SCGB3A1: variants seen among roughly 807,000 people sequenced by gnomAD.
SCGB3A1 encodes the protein cytokine HIN-1.
Under a neutral mutation model 7.6 loss-of-function variants are expected in SCGB3A1, and 7 were observed. That is an observed-to-expected ratio of 0.93 (90% CI 0.53 to 1.74). SCGB3A1 has a LOEUF of 1.74. SCGB3A1 is among the 40% of genes most tolerant of loss of function. The probability of loss-of-function intolerance (pLI) is 0.00; values close to 1 mark genes in which losing one functional copy is unlikely to be tolerated. For synonymous variants in SCGB3A1, 67 were observed against 66.6 expected, an observed-to-expected ratio of 1.01 and a Z score of -0.03; for missense variants, 119 against 129.0, an observed-to-expected ratio of 0.92 and a Z score of 0.38.
At chr5:180,591,314 G>A (rs1178967232) in intron 1 of SCGB3A1, 97 bp downstream of exon 1, 2 of 1,022,588 alleles carry the variant, frequency 2.0e-6, no homozygotes, top group African/African-American at 3.3e-5. Context: ...AGGCTGGAAG[G>A]ACCTGGGATC....
chr5:180,590,660 C>A lies in SCGB3A1; in HGVS notation c.231G>T (p.Lys77Asn), dbSNP rs1761295861. The change falls in exon 2 of 3, where the codon AAG becomes AAT. Residue 77 changes from lysine (K) to asparagine (N), a missense_variant. Physicochemically the swap from Lys to Asn is moderately conservative, Grantham distance 94. Transcript: ENST00000292641. ...PVNHLIEGSQ[K>N]CVAELGPQAV... is the part of the protein sequence containing the mutation. ...CCTGGGGACCCAGCTCAGCCACACA[C>A]TTCTGGGAGCCCTCTATGAGGTGGT... is the stretch of plus-strand genomic sequence containing the variant. 6.3e-7 allele frequency: 1 copy of A among 1,596,428 alleles called. No homozygotes were observed. The highest frequency in any genetic ancestry group is 1.1e-5 in the South Asian group (1 of 88,094).
In SCGB3A1 at chr5:180,590,128, A is replaced by T; in HGVS notation, c.*103T>A. The stretch of plus-strand genomic sequence containing the variant: ...GCTGCTCTTAACCACGTTTATTGAG[A>T]GGGGCCGGGGGAAGGGGATGGACGG... On this transcript the variant is annotated 3_prime_UTR_variant, in exon 3 of 3. Coordinates refer to ENST00000292641, the MANE Select transcript of SCGB3A1 (RefSeq NM_052863.3). The T allele has an allele frequency of 7.7e-7, 1 of 1,300,368 alleles. No homozygotes were observed. Among genetic ancestry groups the T allele is most frequent in the Non-Finnish European group, 1.1e-6 (1 of 917,912 alleles). The allele number at this position is 1,300,368 out of a possible 1,614,324, so 80.6% of individuals were successfully genotyped here.
At position 180,590,146 on chromosome 5, in the gene SCGB3A1, A is replaced by G; in HGVS notation, c.*85T>C. ...TATTGAGAGGGGCCGGGGGAAGGGG[A>G]TGGACGGTCCTCCCCGCGGCGGGGT... On this transcript the variant is annotated 3_prime_UTR_variant, in exon 3 of 3. Coordinates refer to ENST00000292641, the MANE Select transcript of SCGB3A1 (RefSeq NM_052863.3). 6 of 1,441,036 alleles carry G rather than the reference A, an allele frequency of 4.2e-6. No individual in the cohort carries two copies. The highest frequency in any genetic ancestry group is 3.9e-5 in the Admixed American group (2 of 50,920). The allele number at this position is 1,441,036 out of a possible 1,614,324, so 89.3% of individuals were successfully genotyped here. A position where few individuals can be genotyped will look rare whatever the true frequency, so the allele number is the denominator to read the frequency against.
chr5:180,590,871 G>A (rs978752842), intron 1 of SCGB3A1, 33 bp from the exon 2 acceptor site: 13 of 1,535,032 alleles, frequency 8.5e-6, no homozygotes, highest in Non-Finnish European at 1.2e-5. Context: ...CACCGCCTGC[G>A]CGCCGGGGTC....
Position 180,591,490 on chromosome 5 carries a change from A to C in SCGB3A1, c.-28T>G. ...CGCGGGGGCTCGGGGCGCGCGGGGA[A>C]CCTGCGGCTGCCCGGGCAAGGCCAC... On this transcript the variant is annotated 5_prime_UTR_variant, in exon 1 of 3. Coordinates refer to ENST00000292641, the MANE Select transcript of SCGB3A1 (RefSeq NM_052863.3). 8.2e-7 allele frequency: 1 copy of C among 1,225,812 alleles called. No individual in the cohort carries two copies. The highest frequency in any genetic ancestry group is 1.0e-6 in the Non-Finnish European group (1 of 983,886). 75.9% of individuals were successfully genotyped at this position (1,225,812 alleles called of 1,614,324 possible). A position where few individuals can be genotyped will look rare whatever the true frequency, so the allele number is the denominator to read the frequency against.
Position 180,590,786 on chromosome 5 carries a change from C to T in SCGB3A1, c.105G>A (p.Ala35=), listed in dbSNP as rs759325239. 1.0e-5 allele frequency: 16 copies of T among 1,599,010 alleles called. No homozygotes were observed. The highest frequency in any genetic ancestry group is 1.4e-5 in the Non-Finnish European group (16 of 1,173,338). Residue 35 remains alanine (A), a synonymous_variant, in exon 2 of 3, where the codon GCG becomes GCA. Coordinates refer to ENST00000292641, the MANE Select transcript of SCGB3A1 (RefSeq NM_052863.3). The part of the protein sequence containing the change: ...SAKPVAQPVA[A]LESAAEAGAG... ...CCCCGGCCTCCGCCGCCGACTCCAG[C>T]GCAGCGACAGGCTGGGCCACAGGCT...
At position 180,590,162 on chromosome 5, in the gene SCGB3A1, G is replaced by T; in HGVS notation, c.*69C>A. ...GGGAAGGGGATGGACGGTCCTCCCCGCGGCGGGGTTTTCAGCCCTCGCGGG... is the reference window on the plus strand; with the variant it reads ...GGGAAGGGGATGGACGGTCCTCCCCTCGGCGGGGTTTTCAGCCCTCGCGGG... On this transcript the variant is annotated 3_prime_UTR_variant, in exon 3 of 3. Coordinates refer to ENST00000292641, the MANE Select transcript of SCGB3A1 (RefSeq NM_052863.3). 6.5e-7 allele frequency: 1 copy of T among 1,527,474 alleles called. No individual in the cohort carries two copies. Among genetic ancestry groups the T allele is most frequent in the Non-Finnish European group, 8.9e-7 (1 of 1,121,926 alleles). 94.6% of individuals were successfully genotyped at this position (1,527,474 alleles called of 1,614,324 possible). A position where few individuals can be genotyped will look rare whatever the true frequency, so the allele number is the denominator to read the frequency against.
chr5:180,590,720 C>T lies in SCGB3A1; in HGVS notation c.171G>A (p.Leu57=). Residue 57 remains leucine (L), a synonymous_variant, in exon 2 of 3, where the codon CTG becomes CTA. Transcript: ENST00000292641. ...TGCCCAGGCTGCTCAGCAGGAGCTT[C>T]AGCGGGTTGAGGGTGCCGAGGGGGT... ...LANPLGTLNP[L]KLLLSSLGIP... 1.1e-5 allele frequency: 17 copies of T among 1,583,142 alleles called. No individual in the cohort carries two copies. The highest frequency in any genetic ancestry group is 1.4e-5 in the Non-Finnish European group (16 of 1,164,760).
chr5:180,590,693 G>T lies in SCGB3A1; in HGVS notation c.198C>A (p.Ile66=), dbSNP rs1761297094. 6.3e-7 allele frequency: 1 copy of T among 1,586,722 alleles called. No homozygotes were observed. Among genetic ancestry groups the T allele is most frequent in the Non-Finnish European group, 8.6e-7 (1 of 1,166,532 alleles). ...AGCCCTCTATGAGGTGGTTCACGGG[G>T]ATGCCCAGGCTGCTCAGCAGGAGCT... ...PLKLLLSSLG[I]PVNHLIEGSQ... is the part of the protein sequence containing the mutation. Residue 66 remains isoleucine, a synonymous_variant, in exon 2 of 3, where the codon ATC becomes ATA. Coordinates refer to ENST00000292641, the MANE Select transcript of SCGB3A1 (RefSeq NM_052863.3).
chr5:180,590,947 C>T, intron 1 of SCGB3A1, 109 bp from the exon 2 acceptor site: 1 of 762,860 alleles, frequency 1.3e-6, no homozygotes, highest in East Asian at 3.0e-5. Context: ...CCCTGCCCGG[C>T]TCCCCGACCG....
intron 1 of SCGB3A1, 140 bp downstream of exon 1, chr5:180,591,271 C>A: frequency 1.5e-6 from 1 of 660,326 alleles, no homozygotes. Context: ...GGCGCGGGGC[C>A]CCGGGGTGGC....
At chr5:180,590,859 G>T (rs1458799445) in intron 1 of SCGB3A1, 21 bp from the exon 2 acceptor site, 1 of 1,570,580 alleles carries the variant, frequency 6.4e-7, no homozygotes, top group Admixed American at 1.7e-5. Flanking sequence ...ACAGGGAGGG[G>T]TCACCGCCTG....
intron 2 of SCGB3A1, 34 bp from the exon 3 acceptor site, chr5:180,590,288 G>A (rs2127777269): frequency 6.4e-7 from 1 of 1,566,888 alleles, no homozygotes; most frequent in Non-Finnish European, 8.7e-7. Context: ...AGTGCCCCCA[G>A]CCCTGCCACC....
intron 1 of SCGB3A1, 195 bp from the exon 2 acceptor site, chr5:180,591,033 A>G (rs1323029658): frequency 7.5e-5 from 40 of 530,104 alleles, no homozygotes; most frequent in Non-Finnish European, 6.5e-6. Context: ...CGGCCCCGCC[A>G]GGAGACGCTG....
chr5:180,590,372 CG>C (rs1761289470), intron 2 of SCGB3A1, 118 bp from the exon 3 acceptor site: 1 of 1,362,976 alleles, frequency 7.3e-7, no homozygotes, highest in Non-Finnish European at 1.0e-6. Context: ...CTGGCGTCTC[CG>C]GGGGACGCGC....
rs907689445 is a variant in SCGB3A1, at chr5:180,591,468, G to C, written c.-6C>G. The stretch of plus-strand genomic sequence containing the variant: ...AGGAGGGCGGCGAGCTTCATGGCGC[G>C]GGGGCTCGGGGCGCGCGGGGAACCT... On this transcript the variant is annotated 5_prime_UTR_variant, in exon 1 of 3. Coordinates refer to ENST00000292641, the MANE Select transcript of SCGB3A1 (RefSeq NM_052863.3). 3 of 1,228,114 alleles carry C rather than the reference G, an allele frequency of 2.4e-6. No individual in the cohort carries two copies. In the African/African-American group the frequency reaches 4.7e-5, roughly 19 times the overall value. The allele number at this position is 1,228,114 out of a possible 1,614,324, so 76.1% of individuals were successfully genotyped here. A position where few individuals can be genotyped will look rare whatever the true frequency, so the allele number is the denominator to read the frequency against.
In SCGB3A1 at chr5:180,590,745, T is replaced by C. The variant is rs1314471123; in HGVS notation, c.146A>G (p.Asn49Ser). The change falls in exon 2 of 3, where the codon AAC (asparagine) becomes AGC (serine). Residue 49 changes from asparagine (N) to serine (S), a missense_variant. Physicochemically the swap from Asn to Ser is conservative, Grantham distance 46 (BLOSUM62 1). Transcript: ENST00000292641. Reference sequence around the variant, plus strand: ...CAGCGGGTTGAGGGTGCCGAGGGGGTTGGCCAGGGTCCCGGCCCCGGCCTC... The same window carrying C: ...CAGCGGGTTGAGGGTGCCGAGGGGGCTGGCCAGGGTCCCGGCCCCGGCCTC... ...AAEAGAGTLA[N>S]PLGTLNPLKL... The C allele has an allele frequency of 6.3e-7, 1 of 1,582,996 alleles. No individual in the cohort carries two copies. Among genetic ancestry groups the C allele is most frequent in the East Asian group, 2.3e-5 (1 of 42,744 alleles).
rs1463577806 is a variant in SCGB3A1, at chr5:180,591,399, C to T, written c.52+12G>A. The stretch of plus-strand genomic sequence containing the variant: ...GGCCCCACCGTGCGCGCCAGGAGCC[C>T]GGGGCGCTCACCGGAGCTGCAGGAC... On this transcript the variant is annotated intron_variant, in intron 1 of 2. Coordinates refer to ENST00000292641, the MANE Select transcript of SCGB3A1 (RefSeq NM_052863.3). The T allele has an allele frequency of 9.8e-6, 12 of 1,224,630 alleles. No homozygotes were observed. The highest frequency in any genetic ancestry group is 1.2e-5 in the Non-Finnish European group (12 of 983,492). The allele number at this position is 1,224,630 out of a possible 1,614,324, so 75.9% of individuals were successfully genotyped here.
chr5:180,590,145 G>C lies in SCGB3A1; in HGVS notation c.*86C>G. The C allele has an allele frequency of 7.0e-7, 1 of 1,428,694 alleles. No homozygotes were observed. Among genetic ancestry groups the C allele is most frequent in the Non-Finnish European group, 9.7e-7 (1 of 1,033,550 alleles). 88.5% of individuals were successfully genotyped at this position (1,428,694 alleles called of 1,614,324 possible). A position where few individuals can be genotyped will look rare whatever the true frequency, so the allele number is the denominator to read the frequency against. On this transcript the variant is annotated 3_prime_UTR_variant, in exon 3 of 3. Coordinates refer to ENST00000292641, the MANE Select transcript of SCGB3A1 (RefSeq NM_052863.3). ...TTATTGAGAGGGGCCGGGGGAAGGG[G>C]ATGGACGGTCCTCCCCGCGGCGGGG...
Sources: gnomAD v4.1 joint callset for allele counts on GRCh38, gnomAD v4.1.1 for gene constraint, MANE v1.5 for transcripts, NCBI Gene and HGNC (gene_info 2026-07-23, HGNC 2026-07-21) for gene names.